The following LSM2 variants were observed in gnomAD, a reference collection of about 807,000 sequenced individuals.
The protein encoded by LSM2 is LSM2 homolog, U6 small nuclear RNA and mRNA degradation associated.
LSM2 carries 12 observed loss-of-function variants against 17.0 expected under a neutral mutation model. That is an observed-to-expected ratio of 0.70 (90% CI 0.45 to 1.14). LSM2 has a LOEUF of 1.14. Ranked by LOEUF, LSM2 falls within the 50% of genes most tolerant of loss-of-function variation. The pLI is 0.00. For synonymous variants in LSM2, 42 were observed against 44.5 expected, an observed-to-expected ratio of 0.94 and a Z score of 0.22; for missense variants, 62 against 111.8, an observed-to-expected ratio of 0.55 and a Z score of 2.01.
At chr6:31,802,175 G>C (rs1814750853) in intron 2 of LSM2, among the ~76,000 whole-genome samples, 1 of 151,972 alleles carries the variant, frequency 6.6e-6, no homozygotes, top group Non-Finnish European at 1.5e-5. Context: ...AGCTACTTGG[G>C]AGACTGAGGC....
intron 2 of LSM2, among the ~76,000 whole-genome samples, chr6:31,803,537 C>T (rs1310152594): frequency 6.6e-6 from 1 of 150,680 alleles, no homozygotes; most frequent in African/African-American, 2.4e-5. Flanking sequence ...TTGATCCCAT[C>T]TTTCTAAAGG....
intron 2 of LSM2, among the ~76,000 whole-genome samples, chr6:31,805,575 G>A (rs1429824066): frequency 6.6e-6 from 1 of 151,736 alleles, no homozygotes; most frequent in Non-Finnish European, 1.5e-5. Context: ...ATCTTGACCG[G>A]GCTGGTCTTG....
intron 2 of LSM2, among the ~76,000 whole-genome samples, chr6:31,804,596 T>C (rs769419855): frequency 1.3e-5 from 2 of 152,016 alleles, no homozygotes; most frequent in Non-Finnish European, 2.9e-5. Flanking sequence ...TAAGCACCTA[T>C]CATATAACTG....
In LSM2 at chr6:31,806,113, C is replaced by T. The variant is rs773501911; in HGVS notation, c.33G>A (p.Val11=). The change falls in exon 2 of 5, where the codon GTG becomes GTA. Residue 11 remains valine, a synonymous_variant. Transcript: ENST00000375661. MLFYSFFKSL[V]GKDVVVELKN... ...TTAGTTCCACGACCACATCCTTGCC[C>T]ACAAGGGACTTGAAAAAAGAATAGA... The T allele has an allele frequency of 1.2e-6, 2 of 1,612,934 alleles. No individual in the cohort carries two copies. Among genetic ancestry groups the T allele is most frequent in the Non-Finnish European group, 1.7e-6 (2 of 1,179,930 alleles).
Position 31,797,618 on chromosome 6 carries a change from A to T in LSM2, c.*139T>A. On this transcript the variant is annotated 3_prime_UTR_variant, in exon 5 of 5. Transcript: ENST00000375661. ...TCCCTATTACTCCTCTCATCCACTC[A>T]TCCCTTAAAAAAAACCCACAAAACC... 1.6e-6 allele frequency: 2 copies of T among 1,238,186 alleles called. No homozygotes were observed. The highest frequency in any genetic ancestry group is 2.3e-6 in the Non-Finnish European group (2 of 879,316). 76.7% of individuals were successfully genotyped at this position (1,238,186 alleles called of 1,614,324 possible).
chr6:31,799,170 A>G (rs1404187557), intron 2 of LSM2, among the ~76,000 whole-genome samples: 1 of 152,188 alleles, frequency 6.6e-6, no homozygotes, highest in Non-Finnish European at 1.5e-5. Flanking sequence ...AGGTTGTTTT[A>G]AACTTTATGA....
At chr6:31,805,951 C>G (rs1815006242) in intron 2 of LSM2, 124 bp downstream of exon 2, 1 of 822,364 alleles carries the variant, frequency 1.2e-6, no homozygotes, top group African/African-American at 1.7e-5. Context: ...CCACTGCACC[C>G]TATCCATTTA....
chr6:31,797,506 T>C lies in LSM2; in HGVS notation c.*251A>G. ...AACTCTCCTACCATCTCCAGAGAAG[T>C]AGTGAGAAAGGCAGGTGCTGGGGAC... is the stretch of plus-strand genomic sequence containing the variant. On this transcript the variant is annotated 3_prime_UTR_variant, in exon 5 of 5. Transcript: ENST00000375661. The C allele has an allele frequency of 1.9e-6, 1 of 513,124 alleles. No homozygotes were observed. The highest frequency in any genetic ancestry group is 3.5e-6 in the Non-Finnish European group (1 of 287,622). 31.8% of individuals were successfully genotyped at this position (513,124 alleles called of 1,614,324 possible).
rs144638795 is a variant in LSM2, at chr6:31,806,304, C to T, written c.4-162G>A. On this transcript the variant is annotated intron_variant, in intron 1 of 4. Coordinates refer to ENST00000375661, the MANE Select transcript of LSM2 (RefSeq NM_021177.5). ...ATAATTGGTTGACAGAGCTGAAAGGCTGGAGCCCAAATTATTCTGCACACT... is the reference window on the plus strand; with the variant it reads ...ATAATTGGTTGACAGAGCTGAAAGGTTGGAGCCCAAATTATTCTGCACACT... Among the ~76,000 whole-genome samples the T allele has an allele frequency of 7.9e-5, 12 of 152,312 alleles. No homozygotes were observed. The East Asian group carries it at 2.3e-3, about 29-fold the overall frequency.
chr6:31,803,705 T>A (rs760788503), intron 2 of LSM2, among the ~76,000 whole-genome samples: 2 of 151,958 alleles, frequency 1.3e-5, no homozygotes, highest in African/African-American at 4.8e-5. Flanking sequence ...CTCAGGCTCC[T>A]GAGCAGCTAG....
Position 31,803,718 on chromosome 6 carries a change from T to C in LSM2, c.71+2357A>G, listed in dbSNP as rs116849650. On this transcript the variant is annotated intron_variant, in intron 2 of 4. Transcript: ENST00000375661. ...GCCTCAGGCTCCTGAGCAGCTAGGA[T>C]TACAGGCGCACAACACAACATCTGG... 2.1e-3 allele frequency among the ~76,000 whole-genome samples: 321 copies of C among 152,002 alleles called. 9 individuals carry two copies. In the East Asian group the frequency reaches 0.05, roughly 24 times the overall value.
At chr6:31,799,495 T>C (rs965572625) in intron 2 of LSM2, among the ~76,000 whole-genome samples, 2 of 152,160 alleles carry the variant, frequency 1.3e-5, no homozygotes, top group African/African-American at 4.8e-5. Context: ...TAGCTGGGAC[T>C]ACAGATGCCG....
rs147867329 is a variant in LSM2 at position 31,806,426 on chromosome 6, C to T, written c.4-284G>A. On this transcript the variant is annotated intron_variant, in intron 1 of 4. Transcript: ENST00000375661. Reference sequence around the variant, plus strand: ...TCAGTCGACCACCTTTCTCGGGTACCTGCCCACTCCTTTCAATGAATTGTA... The same window carrying T: ...TCAGTCGACCACCTTTCTCGGGTACTTGCCCACTCCTTTCAATGAATTGTA... 258 of 600,106 alleles carry T rather than the reference C, an allele frequency of 4.3e-4. 4 individuals carry two copies. In the East Asian group the frequency reaches 6.9e-3, roughly 16 times the overall value. 37.2% of individuals were successfully genotyped at this position (600,106 alleles called of 1,614,324 possible).
At chr6:31,798,400 A>G (rs1814511950) in intron 3 of LSM2, 77 bp downstream of exon 3, 11 of 1,550,390 alleles carry the variant, frequency 7.1e-6, no homozygotes, top group South Asian at 2.2e-5. Flanking sequence ...CCCTAGAGAC[A>G]TGATGTAAGA....
chr6:31,798,054 G>A lies in LSM2; in HGVS notation c.103-5C>T, dbSNP rs1404280470. The A allele has an allele frequency of 2.5e-6, 4 of 1,586,018 alleles. No individual in the cohort carries two copies. Among genetic ancestry groups the A allele is most frequent in the African/African-American group, 1.4e-5 (1 of 73,114 alleles). On this transcript the variant is annotated splice_polypyrimidine_tract_variant and splice_region_variant and intron_variant, in intron 3 of 4. Transcript: ENST00000375661. ...AGTTAGTTTGATGTTGAGATACTAGGAAAGGAAGATGAACACCATTATTAT... is the reference window on the plus strand; with the variant it reads ...AGTTAGTTTGATGTTGAGATACTAGAAAAGGAAGATGAACACCATTATTAT...
chr6:31,803,621 C>T (rs559098105), intron 2 of LSM2, among the ~76,000 whole-genome samples: 1 of 151,158 alleles, frequency 6.6e-6, no homozygotes, highest in African/African-American at 2.4e-5. Flanking sequence ...CAGTCTGTCG[C>T]CCAGGCTGGA....
rs769376699 is a variant in LSM2, at chr6:31,798,468, A to G, written c.102+9T>C. 12 of 1,612,786 alleles carry G rather than the reference A, an allele frequency of 7.4e-6. No individual in the cohort carries two copies. In the East Asian group the frequency reaches 1.1e-4, roughly 15 times the overall value. ...AGGAACCAATTCTGGGGCCCGTGCT[A>G]TATCTCACCTGATCCACAGAATGGA... On this transcript the variant is annotated intron_variant, in intron 3 of 4. Coordinates refer to ENST00000375661, the MANE Select transcript of LSM2 (RefSeq NM_021177.5).
chr6:31,806,698 C>T, intron 1 of LSM2, 57 bp downstream of exon 1: 3 of 1,598,776 alleles, frequency 1.9e-6, no homozygotes, highest in Non-Finnish European at 2.6e-6. Flanking sequence ...GCCAGATCCC[C>T]CGCCCCAACC....
intron 2 of LSM2, among the ~76,000 whole-genome samples, chr6:31,802,465 C>A (rs1168076172): frequency 6.6e-6 from 1 of 150,650 alleles, no homozygotes; most frequent in African/African-American, 2.5e-5. Context: ...CGTGGTGGTG[C>A]ATGCATATAA....
Sources: allele counts gnomAD v4.1 joint callset (sites outside exome capture counted in the v4.1 genomes callset), GRCh38; gene constraint gnomAD v4.1.1; transcripts MANE v1.5; gene names NCBI Gene and HGNC (gene_info 2026-07-23, HGNC 2026-07-21).